Variants in RNF216 observed in about 807,000 individuals in gnomAD.
RNF216 encodes ring finger protein 216, also known as E3 ubiquitin-protein ligase RNF216.
In RNF216, 72 loss-of-function variants were observed where a neutral mutation model predicts 110.8. The ratio of observed to expected loss-of-function variants is 0.65; its 90% confidence interval spans 0.54 to 0.79. The LOEUF (loss-of-function observed/expected upper bound fraction) is 0.79, where lower values mean the gene tolerates loss of function less well. Among genes scored for constraint, RNF216 ranks in the 30% least tolerant of loss-of-function variants. RNF216 has a pLI of 0.00. For missense variants in RNF216, 1,342 were observed against 1,141.2 expected (o/e 1.18, Z -2.54); for synonymous variants, 495 against 407.5 (o/e 1.21, Z -2.59).
Position 5,622,824 on chromosome 7 carries a change from A to T in RNF216, c.*36T>A. On this transcript the variant is annotated 3_prime_UTR_variant, in exon 17 of 17. Transcript: ENST00000389902. The stretch of plus-strand genomic sequence containing the variant: ...TTCTCCATCCACACTCCTACCCCAA[A>T]CGGGCTTTGTGCTGCTCAATGGGGA... 6.4e-7 allele frequency: 1 copy of T among 1,551,904 alleles called. No individual in the cohort carries two copies. Among genetic ancestry groups the T allele is most frequent in the Non-Finnish European group, 8.7e-7 (1 of 1,144,076 alleles).
At chr7:5,715,262 C>A in intron 10 of RNF216, 72 bp from the exon 11 acceptor site, 19 of 1,484,576 alleles carry the variant, frequency 1.3e-5, no homozygotes, top group Non-Finnish European at 1.7e-5. Flanking sequence ...CTCCCATCCT[C>A]ATCTCTCTGC....
At chr7:5,700,064 T>C (rs887676676) in intron 13 of RNF216, among the ~76,000 whole-genome samples, 4 of 152,176 alleles carry the variant, frequency 2.6e-5, no homozygotes, top group African/African-American at 7.2e-5. Context: ...TTTGCTACTG[T>C]TCCCCTTCTC....
intron 1 of RNF216, chr7:5,767,077 TA>T (rs1246708918): frequency 4.6e-5 from 7 of 152,248 alleles, no homozygotes; most frequent in Non-Finnish European, 8.8e-5. Flanking sequence ...AACCTTATTT[TA>T]CAGAGACTTT....
intron 13 of RNF216, among the ~76,000 whole-genome samples, chr7:5,689,061 GCT>G (rs1181141480): frequency 6.6e-6 from 1 of 152,128 alleles, no homozygotes; most frequent in East Asian, 1.9e-4. Flanking sequence ...AAAAGAACAG[GCT>G]GCCGATTCTG....
Position 5,623,086 on chromosome 7 carries a change from A to T in RNF216, c.2546T>A (p.Leu849Gln), listed in dbSNP as rs1430421613. 16 of 1,612,174 alleles carry T rather than the reference A, an allele frequency of 9.9e-6. No individual in the cohort carries two copies. The highest frequency in any genetic ancestry group is 1.4e-5 in the Non-Finnish European group (16 of 1,178,426). The change falls in exon 17 of 17, where the codon CTG becomes CAG. Residue 849 changes from leucine (L) to glutamine (Q), a missense_variant. Leu to Gln is a moderately radical substitution (Grantham distance 113). Transcript: ENST00000389902. ...ATAGGGTGGCATCTGTGGCTGTGGC[A>T]GGTTCTGCGGAACGGGCCTCGGGAG... ...EALPRPVPQN[L>Q]PQPQMPPYAF...
chr7:5,653,175 C>T (rs1788501406), intron 13 of RNF216, among the ~76,000 whole-genome samples: 2 of 152,100 alleles, frequency 1.3e-5, no homozygotes, highest in Admixed American at 1.3e-4. Context: ...ATGGATGTCA[C>T]CCTTAAAAGT....
chr7:5,658,757 T>C (rs1788909515), intron 13 of RNF216, among the ~76,000 whole-genome samples: 1 of 152,164 alleles, frequency 6.6e-6, no homozygotes, highest in African/African-American at 2.4e-5. Flanking sequence ...TCTGTATCTG[T>C]GTATGTTTTG....
chr7:5,714,424 A>C (rs551286536), intron 11 of RNF216, among the ~76,000 whole-genome samples: 155 of 152,058 alleles, frequency 1.0e-3, no homozygotes, highest in African/African-American at 3.6e-3. Flanking sequence ...AGGTCTGGCT[A>C]ATCTTGTATT....
At chr7:5,730,196 T>A (rs893189434) in intron 6 of RNF216, among the ~76,000 whole-genome samples, 2 of 152,228 alleles carry the variant, frequency 1.3e-5, no homozygotes, top group Non-Finnish European at 2.9e-5. Flanking sequence ...TACTCATGTT[T>A]TTGCAATTTA....
intron 11 of RNF216, among the ~76,000 whole-genome samples, chr7:5,713,839 G>A (rs939952539): frequency 6.6e-6 from 1 of 152,156 alleles, no homozygotes; most frequent in African/African-American, 2.4e-5. Context: ...ACCTCATTTA[G>A]CTTTCAAAAC....
intron 15 of RNF216, among the ~76,000 whole-genome samples, chr7:5,634,349 CTGT>C (rs1218517060): frequency 6.6e-6 from 1 of 152,222 alleles, no homozygotes; most frequent in Non-Finnish European, 1.5e-5. Flanking sequence ...GTGGCCACAG[CTGT>C]TGTTAATAAA....
chr7:5,760,168 A>C (rs1000394844), intron 2 of RNF216, among the ~76,000 whole-genome samples: 1 of 152,240 alleles, frequency 6.6e-6, no homozygotes, highest in South Asian at 2.1e-4. Flanking sequence ...AGAATGTTAC[A>C]GAAATGCAAG....
chr7:5,665,079 C>G (rs1350439001), intron 13 of RNF216, among the ~76,000 whole-genome samples: 1 of 151,842 alleles, frequency 6.6e-6, no homozygotes, highest in Admixed American at 6.6e-5. Flanking sequence ...ATTACAGGCA[C>G]GAACCACCGC....
Position 5,698,404 on chromosome 7 carries a change from C to CACACACACACACACACACACAT in RNF216, c.2061+13356_2061+13357insATGTGTGTGTGTGTGTGTGTGT, listed in dbSNP as rs1791760183. Among the ~76,000 whole-genome samples the CACACACACACACACACACACAT allele has an allele frequency of 4.1e-5, 6 of 147,686 alleles. No homozygotes were observed. The South Asian group carries it at 1.0e-3, about 26-fold the overall frequency. On this transcript the variant is annotated intron_variant, in intron 13 of 16. Transcript: ENST00000389902. Reference sequence around the variant, plus strand: ...TTTTATACACACACACACACACACACACACACACACATACACACACACGCA... The same window carrying CACACACACACACACACACACAT: ...TTTTATACACACACACACACACACACACACACACACACACACACACATACACACACACATACACACACACGCA...
chr7:5,740,926 A>G (rs762232959), intron 4 of RNF216, 47 bp downstream of exon 4: 31 of 1,500,672 alleles, frequency 2.1e-5, no homozygotes, highest in South Asian at 5.6e-5. Flanking sequence ...AAAGAAAAAA[A>G]CTCAGTATAT....
At chr7:5,731,160 CTT>C (rs1033428629) in intron 5 of RNF216, among the ~76,000 whole-genome samples, 15 of 152,310 alleles carry the variant, frequency 9.8e-5, no homozygotes, top group African/African-American at 3.6e-4. Context: ...AGCAGCTACT[CTT>C]TGTCGAGAAA....
At chr7:5,642,356 G>C (rs974027696) in intron 14 of RNF216, among the ~76,000 whole-genome samples, 3 of 151,966 alleles carry the variant, frequency 2.0e-5, no homozygotes, top group Non-Finnish European at 4.4e-5. Flanking sequence ...TGGGATTACA[G>C]GCGCCCACCA....
At chr7:5,768,346 T>TACACACACACACACACACACAC (rs71004702) in intron 1 of RNF216, among the ~76,000 whole-genome samples, 1,442 of 71,900 alleles carry the variant, frequency 0.02, 145 homozygotes, top group Non-Finnish European at 0.025. Context: ...GGCAGGCAAA[T>TACACACACACACACACACACAC]ACACACACAC....
chr7:5,674,311 A>C (rs34287309), intron 13 of RNF216, among the ~76,000 whole-genome samples: 5 of 152,024 alleles, frequency 3.3e-5, no homozygotes, highest in Admixed American at 3.3e-4. Context: ...TACAAGCGTA[A>C]GCCACTGTGC....
Sources: allele counts gnomAD v4.1 joint callset (sites outside exome capture counted in the v4.1 genomes callset), GRCh38; gene constraint gnomAD v4.1.1; transcripts MANE v1.5; gene names NCBI Gene and HGNC (gene_info 2026-07-23, HGNC 2026-07-21).